The following ROBO2 variants were observed in gnomAD, a reference collection of about 807,000 sequenced individuals.
ROBO2 encodes the protein roundabout homolog 2.
Under a neutral mutation model 160.8 loss-of-function variants are expected in ROBO2, and 53 were observed. The ratio of observed to expected loss-of-function variants is 0.33; its 90% CI spans 0.26 to 0.41. The LOEUF (loss-of-function observed/expected upper bound fraction) is 0.41, where lower values mean the gene tolerates loss of function less well. ROBO2 is among the 10% of genes least tolerant of loss of function. The probability of loss-of-function intolerance (pLI) is 1.00; values close to 1 mark genes in which losing one functional copy is unlikely to be tolerated. For synonymous variants in ROBO2, 664 were observed against 611.7 expected (o/e 1.09, Z -1.26); for missense variants, 1,577 against 1,722.4 (o/e 0.92, Z 1.49).
intron 2 of ROBO2, among the ~76,000 whole-genome samples, chr3:76,055,739 T>G (rs1219419361): frequency 6.6e-6 from 1 of 152,206 alleles, no homozygotes; most frequent in Non-Finnish European, 1.5e-5. Flanking sequence ...AATCAACTGT[T>G]GACCACCAGC....
chr3:76,978,521 T>C (rs919284696), intron 2 of ROBO2, among the ~76,000 whole-genome samples: 23 of 152,148 alleles, frequency 1.5e-4, no homozygotes, highest in African/African-American at 5.6e-4. Context: ...AGTTCAGCTC[T>C]CTTTTGCCAG....
chr3:76,551,585 T>C (rs2083426233), intron 2 of ROBO2, among the ~76,000 whole-genome samples: 1 of 152,130 alleles, frequency 6.6e-6, no homozygotes, highest in Non-Finnish European at 1.5e-5. Flanking sequence ...TGAGGAGCTA[T>C]GGCCCTTCAG....
Position 76,129,736 on chromosome 3 carries a change from A to C in ROBO2, c.109+192134A>C, listed in dbSNP as rs1214041840. On this transcript the variant is annotated intron_variant, in intron 2 of 26. Transcript: ENST00000487694. ...TAGGAGATGTGCCTCTAGAGTCAGT[A>C]ATCTTGATGACTGAGGCAATTCCCC... Among the ~76,000 whole-genome samples, 3 of 152,100 alleles carry C rather than the reference A, an allele frequency of 2.0e-5. No individual in the cohort carries two copies. The East Asian group carries it at 5.8e-4, about 29-fold the overall frequency.
intron 1 of ROBO2, among the ~76,000 whole-genome samples, chr3:75,910,946 T>C (rs562767193): frequency 4.6e-5 from 7 of 151,886 alleles, no homozygotes; most frequent in African/African-American, 1.7e-4. Context: ...TTAAATAATA[T>C]TTAAATATTA....
At chr3:77,299,208 T>C (rs760733258) in intron 2 of ROBO2, among the ~76,000 whole-genome samples, 17 of 152,136 alleles carry the variant, frequency 1.1e-4, no homozygotes, top group Non-Finnish European at 2.2e-4. Flanking sequence ...TTCTAAAATA[T>C]TAGTCTACAT....
intron 2 of ROBO2, among the ~76,000 whole-genome samples, chr3:75,940,226 G>A (rs77937067): frequency 1.1e-4 from 17 of 152,192 alleles, no homozygotes; most frequent in African/African-American, 2.9e-4. Flanking sequence ...GACAAAAAAC[G>A]ATTTAACGAG....
At chr3:76,650,768 T>C (rs577963930) in intron 2 of ROBO2, among the ~76,000 whole-genome samples, 7 of 152,278 alleles carry the variant, frequency 4.6e-5, no homozygotes, top group Non-Finnish European at 1.0e-4. Context: ...TGCAAGCATT[T>C]TTCAAGCTCT....
intron 5 of ROBO2, 56 bp from the exon 6 acceptor site, chr3:77,522,719 T>C (rs1048037805): frequency 2.0e-5 from 31 of 1,547,436 alleles, no homozygotes; most frequent in African/African-American, 6.9e-5. Context: ...GAATACTTAA[T>C]GTTATTATCC....
At chr3:77,089,685 T>C (rs2069857294) in intron 1 of ROBO2, among the ~76,000 whole-genome samples, 1 of 152,176 alleles carries the variant, frequency 6.6e-6, no homozygotes, top group Admixed American at 6.5e-5. Context: ...TGAGAGAGTT[T>C]TAGCAAATTT....
Position 76,335,764 on chromosome 3 carries a change from G to C in ROBO2, c.109+398162G>C, listed in dbSNP as rs552683634. On this transcript the variant is annotated intron_variant, in intron 2 of 26. Transcript: ENST00000487694. ...GCTAATTTTTTGTATTTTTAGTAGA[G>C]ACAGGGTTTCACCGTGTTAGCCAGG... Among the ~76,000 whole-genome samples the C allele has an allele frequency of 2.2e-4, 33 of 151,978 alleles. 1 individual carries two copies. The South Asian group carries it at 6.4e-3, about 30-fold the overall frequency.
chr3:75,936,817 A>G (rs1236935124), intron 1 of ROBO2, among the ~76,000 whole-genome samples: 4 of 151,998 alleles, frequency 2.6e-5, no homozygotes, highest in African/African-American at 9.7e-5. Context: ...GAACATTCAA[A>G]TATACATTGT....
intron 2 of ROBO2, among the ~76,000 whole-genome samples, chr3:77,219,149 A>T (rs2151177130): frequency 6.6e-6 from 1 of 151,624 alleles, no homozygotes; most frequent in South Asian, 2.1e-4. Context: ...TTGTATTTTT[A>T]GTAGAGATGG....
At chr3:77,617,895 C>T in intron 22 of ROBO2, 122 bp downstream of exon 23, 3 of 991,138 alleles carry the variant, frequency 3.0e-6, no homozygotes, top group Non-Finnish European at 4.5e-6. Flanking sequence ...TTTTGTATGA[C>T]TCCTTAATCA....
intron 2 of ROBO2, among the ~76,000 whole-genome samples, chr3:76,988,855 T>C (rs1194299907): frequency 2.6e-5 from 4 of 152,098 alleles, no homozygotes; most frequent in African/African-American, 9.7e-5. Context: ...ACAGAAGTGT[T>C]TACCTCAGCC....
chr3:77,630,089 G>A (rs2095126027), intron 23 of ROBO2: 1 of 152,146 alleles, frequency 6.6e-6, no homozygotes, highest in African/African-American at 2.4e-5. Flanking sequence ...ATTTAATTTA[G>A]ACTTTAAAGT....
chr3:77,235,237 G>T (rs573741890), intron 2 of ROBO2, among the ~76,000 whole-genome samples: 24 of 152,242 alleles, frequency 1.6e-4, no homozygotes, highest in South Asian at 4.1e-4. Context: ...AATCATGAAA[G>T]GCTGAACAGC....
intron 2 of ROBO2, among the ~76,000 whole-genome samples, chr3:76,227,672 G>T (rs535143122): frequency 6.6e-6 from 1 of 152,228 alleles, no homozygotes; most frequent in East Asian, 1.9e-4. Context: ...AGGATAAAAA[G>T]AATCTCTACT....
chr3:76,130,526 A>T (rs1394245914), intron 2 of ROBO2, among the ~76,000 whole-genome samples: 1 of 152,116 alleles, frequency 6.6e-6, no homozygotes, highest in Non-Finnish European at 1.5e-5. Flanking sequence ...ATACACTCAC[A>T]CACATATCAC....
chr3:77,480,860 G>T (rs369635250), intron 3 of ROBO2, among the ~76,000 whole-genome samples: 1 of 152,062 alleles, frequency 6.6e-6, no homozygotes, highest in Non-Finnish European at 1.5e-5. Flanking sequence ...CTCAAAATGC[G>T]ATCAGGAAAG....
Sources: gnomAD v4.1 joint callset for allele counts (sites outside exome capture counted in the v4.1 genomes callset) on GRCh38, gnomAD v4.1.1 for gene constraint, MANE v1.5 for transcripts, NCBI Gene and HGNC (gene_info 2026-07-23, HGNC 2026-07-21) for gene names.